Variants in CTNNA3 observed in about 807,000 individuals in gnomAD.
The protein encoded by CTNNA3 is catenin alpha 3.
CTNNA3 carries 76 observed loss-of-function variants against 95.7 expected under a neutral mutation model. The ratio of observed to expected loss-of-function variants is 0.79; its 90% confidence interval spans 0.66 to 0.96. The LOEUF is 0.96. Ranked by LOEUF, CTNNA3 falls within the 40% of genes least tolerant of loss-of-function variation. The probability of loss-of-function intolerance (pLI) is 0.00; values close to 1 mark genes in which losing one functional copy is unlikely to be tolerated. For synonymous variants in CTNNA3, 431 were observed against 374.4 expected, an observed-to-expected ratio of 1.15 and a Z score of -1.74; for missense variants, 1,191 against 1,089.8, an observed-to-expected ratio of 1.09 and a Z score of -1.31.
intron 5 of CTNNA3, among the ~76,000 whole-genome samples, chr10:67,338,398 C>T (rs773492689): frequency 2.0e-5 from 3 of 152,078 alleles, no homozygotes; most frequent in Non-Finnish European, 4.4e-5. Flanking sequence ...TTATGAGGGA[C>T]CGAGGGACCT....
intron 7 of CTNNA3, among the ~76,000 whole-genome samples, chr10:66,893,619 A>G (rs1845358663): frequency 6.6e-6 from 1 of 152,086 alleles, no homozygotes; most frequent in African/African-American, 2.4e-5. Context: ...AAAGACTAAG[A>G]AAAGTAAGAT....
chr10:67,180,606 G>A, intron 6 of CTNNA3, 86 bp from the exon 7 acceptor site: 2 of 1,075,126 alleles, frequency 1.9e-6, no homozygotes, highest in Middle Eastern at 4.6e-4. Context: ...TTTGCATTTA[G>A]AATTCAGATG....
At chr10:66,445,214 A>T (rs1169136080) in intron 11 of CTNNA3, among the ~76,000 whole-genome samples, 1 of 151,946 alleles carries the variant, frequency 6.6e-6, no homozygotes, top group Non-Finnish European at 1.5e-5. Flanking sequence ...CTCCCACACA[A>T]TAATAATGGG....
rs2077033739 is a variant in CTNNA3 at position 65,918,475 on chromosome 10, C to G, written c.*1855G>C. 6.6e-6 allele frequency: 1 copy of G among 152,168 alleles called. No individual in the cohort carries two copies. Among genetic ancestry groups the G allele is most frequent in the Non-Finnish European group, 1.5e-5 (1 of 68,018 alleles). 9.4% of individuals were successfully genotyped at this position (152,168 alleles called of 1,614,324 possible). A position where few individuals can be genotyped will look rare whatever the true frequency, so the allele number is the denominator to read the frequency against. ...ACTCGTGCAACATCTACACTTAGAG[C>G]AGAAAATGATGGCAGCATTTCAATA... is the stretch of plus-strand genomic sequence containing the variant. On this transcript the variant is annotated 3_prime_UTR_variant, in exon 18 of 18. Transcript: ENST00000433211.
rs959926852 is a variant in CTNNA3, at chr10:66,344,829, T to G, written c.1732+34323A>C. On this transcript the variant is annotated intron_variant, in intron 12 of 17. Transcript: ENST00000433211. The stretch of plus-strand genomic sequence containing the variant: ...TATAAATATGGCCTTATCATATTCC[T>G]GCCTTCCTGGTTCTAGAATCCCCAG... Among the ~76,000 whole-genome samples the G allele has an allele frequency of 1.1e-4, 17 of 152,060 alleles. 1 individual carries two copies. The highest frequency in any genetic ancestry group is 2.4e-4 in the Non-Finnish European group (16 of 67,966).
chr10:66,077,841 C>T (rs1196924258), intron 14 of CTNNA3, among the ~76,000 whole-genome samples: 1 of 151,520 alleles, frequency 6.6e-6, no homozygotes, highest in Non-Finnish European at 1.5e-5. Flanking sequence ...AAGATCCAAG[C>T]CTTTATACTC....
At chr10:66,696,213 T>C (rs2132555079) in intron 9 of CTNNA3, among the ~76,000 whole-genome samples, 1 of 152,304 alleles carries the variant, frequency 6.6e-6, no homozygotes, top group East Asian at 1.9e-4. Flanking sequence ...AAGAGTAATA[T>C]TTTGTGAATT....
At chr10:66,815,178 C>T (rs929163855) in intron 7 of CTNNA3, among the ~76,000 whole-genome samples, 10 of 152,060 alleles carry the variant, frequency 6.6e-5, no homozygotes, top group Non-Finnish European at 8.8e-5. Flanking sequence ...ACAGCAAAAT[C>T]GTCATAATTA....
chr10:67,645,193 G>GCACACA (rs113262576), intron 2 of CTNNA3, among the ~76,000 whole-genome samples: 8,844 of 149,154 alleles, frequency 0.059, 247 homozygotes, highest in South Asian at 0.1. Flanking sequence ...GCACGTGCGC[G>GCACACA]CACACACACA....
At chr10:67,599,305 G>A (rs1843011822) in intron 3 of CTNNA3, among the ~76,000 whole-genome samples, 1 of 152,062 alleles carries the variant, frequency 6.6e-6, no homozygotes, top group African/African-American at 2.4e-5. Context: ...ACCCAAACAA[G>A]AATCCAAAAT....
At chr10:67,080,106 A>C (rs2131876493) in intron 7 of CTNNA3, among the ~76,000 whole-genome samples, 1 of 152,298 alleles carries the variant, frequency 6.6e-6, no homozygotes, top group South Asian at 2.1e-4. Context: ...GGCAAGAAGA[A>C]CCAGAAGGGG....
chr10:67,686,926 G>T (rs898200684), intron 1 of CTNNA3, among the ~76,000 whole-genome samples: 1 of 152,244 alleles, frequency 6.6e-6, no homozygotes, highest in Non-Finnish European at 1.5e-5. Flanking sequence ...TGGGTAACTT[G>T]TTCCCCATAT....
intron 11 of CTNNA3, among the ~76,000 whole-genome samples, chr10:66,401,518 A>AACAC (rs140986771): frequency 0.051 from 7,280 of 143,870 alleles, 189 homozygotes; most frequent in African/African-American, 0.06. Context: ...TGTGTCTCAA[A>AACAC]ACACACACAC....
At chr10:66,896,096 T>C (rs1845480384) in intron 7 of CTNNA3, among the ~76,000 whole-genome samples, 1 of 151,570 alleles carries the variant, frequency 6.6e-6, no homozygotes, top group Admixed American at 6.6e-5. Flanking sequence ...AAACTTCATC[T>C]CAAAAAAATA....
At chr10:67,691,918 C>A (rs1442716661) in intron 1 of CTNNA3, among the ~76,000 whole-genome samples, 1 of 150,448 alleles carries the variant, frequency 6.6e-6, no homozygotes, top group East Asian at 2.0e-4. Context: ...CGGCCAGCCA[C>A]CCCGTCCGGG....
chr10:67,040,292 C>T (rs973892786), intron 7 of CTNNA3, among the ~76,000 whole-genome samples: 9 of 152,028 alleles, frequency 5.9e-5, no homozygotes, highest in Non-Finnish European at 1.0e-4. Context: ...TGTGAAAGTC[C>T]TCAGGCATTT....
intron 11 of CTNNA3, among the ~76,000 whole-genome samples, chr10:66,503,719 A>G (rs151296456): frequency 0.15 from 23,127 of 151,996 alleles, 1,839 homozygotes; most frequent in Non-Finnish European, 0.17. Flanking sequence ...CTCCTGCCTC[A>G]GCCTCTCAAA....
intron 5 of CTNNA3, among the ~76,000 whole-genome samples, chr10:67,355,074 T>A (rs1047893874): frequency 2.0e-5 from 3 of 152,068 alleles, no homozygotes; most frequent in African/African-American, 4.8e-5. Flanking sequence ...TTTATTTATT[T>A]GTTTTCTTAT....
intron 11 of CTNNA3, among the ~76,000 whole-genome samples, chr10:66,508,210 G>GTTTTTTTTTTTTTTTTGTTTTTTT (rs756807793): frequency 7.4e-5 from 8 of 108,422 alleles, no homozygotes; most frequent in African/African-American, 2.8e-4. Context: ...TTTGTTTTCT[G>GTTTTTTTTTTTTTTTTGTTTTTTT]TTTTTTTTTT....
Sources: gnomAD v4.1 joint callset for allele counts (sites outside exome capture counted in the v4.1 genomes callset) on GRCh38, gnomAD v4.1.1 for gene constraint, MANE v1.5 for transcripts, NCBI Gene and HGNC (gene_info 2026-07-23, HGNC 2026-07-21) for gene names.